The following TOP2A variants were observed in gnomAD, a reference collection of about 807,000 sequenced individuals.
TOP2A encodes the protein DNA topoisomerase 2-alpha.
A neutral mutation model predicts 187.2 loss-of-function variants in TOP2A; 68 were observed. The observed-to-expected ratio is 0.36, with a 90% CI of 0.30 to 0.44. The LOEUF is 0.44. Ranked by LOEUF, TOP2A falls within the 20% of genes least tolerant of loss-of-function variation. The pLI is 1.00. For synonymous variants in TOP2A, 542 were observed against 593.2 expected (o/e 0.91, Z 1.25); for missense variants, 1,196 against 1,808.7 (o/e 0.66, Z 6.14).
rs2143632683 is a variant in TOP2A at position 40,395,476 on chromosome 17, A to G, written c.3784T>C (p.Leu1262=). Residue 1262 remains leucine (L), a synonymous_variant, in exon 29 of 35, where the codon TTA becomes CTA. Transcript: ENST00000423485. The stretch of plus-strand genomic sequence containing the variant: ...GGTTCTCTTTTCTGTTTCTTTTCTA[A>G]TCTTTGTTTTAGGCCTTCTAGTTCC... ...GVELEGLKQR[L]EKKQKREPGT... is the part of the protein sequence containing the mutation. 1 of 1,610,656 alleles carries G rather than the reference A, an allele frequency of 6.2e-7. No homozygotes were observed. Among genetic ancestry groups the G allele is most frequent in the Non-Finnish European group, 8.5e-7 (1 of 1,178,328 alleles).
At chr17:40,404,048 T>C in intron 19 of TOP2A, 104 bp downstream of exon 19, 1 of 1,424,496 alleles carries the variant, frequency 7.0e-7, no homozygotes, top group Non-Finnish European at 9.4e-7. Context: ...ACTTGTTCTT[T>C]ACTATGAATA....
At chr17:40,405,869 C>T (rs555429660) in intron 16 of TOP2A, among the ~76,000 whole-genome samples, 11 of 151,884 alleles carry the variant, frequency 7.2e-5, no homozygotes, top group Middle Eastern at 3.4e-3. Context: ...CGGGTTCAAG[C>T]GATTCTCCTG....
intron 5 of TOP2A, 92 bp downstream of exon 5, chr17:40,413,388 T>C (rs987878954): frequency 3.6e-6 from 5 of 1,391,158 alleles, no homozygotes; most frequent in East Asian, 5.0e-5. Context: ...TATAGAGATT[T>C]ATTTCCATAT....
intron 10 of TOP2A, chr17:40,410,587 A>G: frequency 2.2e-6 from 1 of 455,532 alleles, no homozygotes; most frequent in South Asian, 1.6e-5. Context: ...TAGTAAACCA[A>G]AAAAGAGATA....
rs761385016 is a variant in TOP2A, at chr17:40,417,892, C to G, written c.-101G>C. 4.8e-5 allele frequency: 73 copies of G among 1,527,506 alleles called. No homozygotes were observed. The highest frequency in any genetic ancestry group is 1.7e-4 in the Middle Eastern group (1 of 5,900). 94.6% of individuals were successfully genotyped at this position (1,527,506 alleles called of 1,614,324 possible). A position where few individuals can be genotyped will look rare whatever the true frequency, so the allele number is the denominator to read the frequency against. On this transcript the variant is annotated 5_prime_UTR_variant, in exon 1 of 35. Coordinates refer to ENST00000423485, the MANE Select transcript of TOP2A (RefSeq NM_001067.4). ...AAGCCGCTTCTCCACAGACGCGCGTCGGTTAGGAGAGCTCCACTTGAACCT... is the reference window on the plus strand; with the variant it reads ...AAGCCGCTTCTCCACAGACGCGCGTGGGTTAGGAGAGCTCCACTTGAACCT...
chr17:40,408,669 G>C (rs2035278248), intron 10 of TOP2A, 39 bp from the exon 11 acceptor site: 2 of 1,600,220 alleles, frequency 1.2e-6, no homozygotes, highest in Middle Eastern at 3.3e-4. Context: ...TCATATTAGG[G>C]AAGAAGGGAT....
At position 40,398,883 on chromosome 17, in the gene TOP2A, T is replaced by A; in HGVS notation, c.3343A>T (p.Ser1115Cys). The part of the protein sequence containing the change: ...ESDNEKETEK[S>C]DSVTDSGPTF... ...GGTCCAGAATCTGTTACGGAGTCACTCTTTTCAGTTTCCTTTTCGTTGTCA... is the reference window on the plus strand; with the variant it reads ...GGTCCAGAATCTGTTACGGAGTCACACTTTTCAGTTTCCTTTTCGTTGTCA... Residue 1115 changes from serine (S) to cysteine (C), a missense_variant, in exon 26 of 35, where the codon AGT (serine) becomes TGT (cysteine). Around this residue, in one of 10 missense-constraint regions of TOP2A, gnomAD observed 232 missense variants for 306.1 expected, o/e 0.76. Transcript: ENST00000423485. 6.2e-7 allele frequency: 1 copy of A among 1,613,666 alleles called. No homozygotes were observed. The highest frequency in any genetic ancestry group is 8.5e-7 in the Non-Finnish European group (1 of 1,179,778).
At chr17:40,417,446 G>T in intron 1 of TOP2A, 2 of 908,690 alleles carry the variant, frequency 2.2e-6, no homozygotes, top group Non-Finnish European at 3.1e-6. Flanking sequence ...GCAGCGGGCA[G>T]GAGGGGAAAG....
Position 40,401,037 on chromosome 17 carries a change from A to G in TOP2A, c.2477T>C (p.Leu826Ser). Residue 826 changes from leucine to serine, a missense_variant, in exon 21 of 35, where the codon TTG becomes TCG. Leu to Ser is a moderately radical substitution (Grantham distance 145, BLOSUM62 -2). Transcript: ENST00000423485. ...CTGGTTGTCATCATATAAAAACTTC[A>G]ACGTGTGATCATCTTTTGGTGGAAA... ...LLFPPKDDHT[L>S]KFLYDDNQRV... 1.9e-6 allele frequency: 3 copies of G among 1,614,010 alleles called. No homozygotes were observed. The highest frequency in any genetic ancestry group is 2.5e-6 in the Non-Finnish European group (3 of 1,179,880).
chr17:40,413,526 C>A lies in TOP2A; in HGVS notation c.432G>T (p.Gln144His). Residue 144 changes from glutamine to histidine, a missense_variant, in exon 5 of 35, where the codon CAG (glutamine) becomes CAT (histidine). This residue lies in a region of TOP2A where 97 missense variants were observed against 171.0 expected (regional missense o/e 0.57). Transcript: ENST00000423485. ...KMYVPALIFGQLLTSSNYDDD... is the reference protein window; with the variant it reads ...KMYVPALIFGHLLTSSNYDDD... ...CATCATAGTTACTAGAAGTTAGGAG[C>A]TGTCCAAATATGAGAGCTGGGACAT... 1 of 1,543,884 alleles carries A rather than the reference C, an allele frequency of 6.5e-7. No individual in the cohort carries two copies. The highest frequency in any genetic ancestry group is 8.7e-7 in the Non-Finnish European group (1 of 1,143,606).
At chr17:40,414,507 C>T (rs916827150) in intron 4 of TOP2A, among the ~76,000 whole-genome samples, 2 of 152,084 alleles carry the variant, frequency 1.3e-5, no homozygotes, top group East Asian at 1.9e-4. Context: ...TATTATACCC[C>T]TTTCAAGAGG....
Position 40,406,679 on chromosome 17 carries a change from T to C in TOP2A, c.1748A>G (p.Asn583Ser). Residue 583 changes from asparagine to serine, a missense_variant, in exon 15 of 35, where the codon AAC (asparagine) becomes AGC (serine). By Grantham distance (46) the Asn-to-Ser change is conservative. Coordinates refer to ENST00000423485, the MANE Select transcript of TOP2A (RefSeq NM_001067.4). ...GCTGTAAAATGCCATTTCTTGCTTG[T>C]TTTTAGATACCTGTGATAAAAAACA... Reference protein sequence around the residue: ...FITPIVKVSKNKQEMAFYSLP... With the variant: ...FITPIVKVSKSKQEMAFYSLP... 1.2e-6 allele frequency: 2 copies of C among 1,612,180 alleles called. No homozygotes were observed. The highest frequency in any genetic ancestry group is 8.5e-7 in the Non-Finnish European group (1 of 1,179,238).
chr17:40,406,082 G>T (rs1216890375), intron 16 of TOP2A, among the ~76,000 whole-genome samples: 1 of 152,028 alleles, frequency 6.6e-6, no homozygotes, highest in Non-Finnish European at 1.5e-5. Context: ...CGTATTTTTA[G>T]TAGAGAGGGG....
rs1258303204 is a variant in TOP2A at position 40,399,343 on chromosome 17, C to G, written c.3197-212G>C. The G allele has an allele frequency of 2.3e-5, 5 of 213,822 alleles. No individual in the cohort carries two copies. In the East Asian group the frequency reaches 2.4e-4, roughly 10 times the overall value. The allele number at this position is 213,822 out of a possible 1,614,324, so 13.2% of individuals were successfully genotyped here. A position where few individuals can be genotyped will look rare whatever the true frequency, so the allele number is the denominator to read the frequency against. On this transcript the variant is annotated intron_variant, in intron 24 of 34. Transcript: ENST00000423485. Reference sequence around the variant, plus strand: ...GCAGTCAAATCATATATGATCAAATCATTTTTTTTTGGAGACAGGGTCTCT... The same window carrying G: ...GCAGTCAAATCATATATGATCAAATGATTTTTTTTTGGAGACAGGGTCTCT...
intron 2 of TOP2A, 37 bp from the exon 3 acceptor site, chr17:40,416,549 C>A: frequency 6.7e-7 from 1 of 1,496,458 alleles, no homozygotes; most frequent in South Asian, 1.2e-5. Flanking sequence ...TATTTTTATT[C>A]TATATTCATT....
At chr17:40,407,481 A>C in intron 13 of TOP2A, 68 bp downstream of exon 13, 1 of 1,315,068 alleles carries the variant, frequency 7.6e-7, no homozygotes. Flanking sequence ...ATGGCAAAAA[A>C]CAATGAAATT....
intron 3 of TOP2A, 54 bp from the exon 4 acceptor site, chr17:40,416,122 C>G (rs2035387330): frequency 6.9e-6 from 9 of 1,304,688 alleles, no homozygotes. Context: ...AAGAAACATT[C>G]TGTAACTCTA....
chr17:40,388,886 T>C lies in TOP2A; in HGVS notation c.*633A>G. On this transcript the variant is annotated 3_prime_UTR_variant, in exon 35 of 35. Transcript: ENST00000423485. Reference sequence around the variant, plus strand: ...GAAATAATCACATAACTACTCTAATTTTCTTCATTCTATTGACTGTGTCAA... The same window carrying C: ...GAAATAATCACATAACTACTCTAATCTTCTTCATTCTATTGACTGTGTCAA... The C allele has an allele frequency of 4.9e-6, 1 of 202,096 alleles. No individual in the cohort carries two copies. The highest frequency in any genetic ancestry group is 1.7e-3 in the Middle Eastern group (1 of 600). The allele number at this position is 202,096 out of a possible 1,614,324, so 12.5% of individuals were successfully genotyped here.
rs1434614931 is a variant in TOP2A at position 40,413,137 on chromosome 17, T to C, written c.576+58A>G. The C allele has an allele frequency of 2.2e-6, 3 of 1,361,482 alleles. No individual in the cohort carries two copies. In the African/African-American group the frequency reaches 4.3e-5, roughly 20 times the overall value. 84.3% of individuals were successfully genotyped at this position (1,361,482 alleles called of 1,614,324 possible). On this transcript the variant is annotated intron_variant, in intron 6 of 34. Transcript: ENST00000423485. Reference sequence around the variant, plus strand: ...AAATTAAACCAATCATTAATGCCATTATAAATGGCTATACTACTACCATTT... The same window carrying C: ...AAATTAAACCAATCATTAATGCCATCATAAATGGCTATACTACTACCATTT...
Sources: allele counts gnomAD v4.1 joint callset (sites outside exome capture counted in the v4.1 genomes callset), GRCh38; gene constraint gnomAD v4.1.1; regional missense constraint gnomAD v4.1.1; transcripts MANE v1.5; gene names NCBI Gene and HGNC (gene_info 2026-07-23, HGNC 2026-07-21).